STK32C: variants seen among roughly 807,000 people sequenced by gnomAD.
The protein encoded by STK32C is serine/threonine-protein kinase 32C.
STK32C carries 31 observed loss-of-function variants against 56.5 expected under a neutral mutation model. That is an observed-to-expected ratio of 0.55 (90% CI 0.41 to 0.74). The LOEUF is 0.74. Among genes scored for constraint, STK32C ranks in the 30% least tolerant of loss-of-function variants. The pLI, the probability that STK32C is intolerant of heterozygous loss-of-function variation, is 0.00. For synonymous variants in STK32C, 309 were observed against 289.4 expected (o/e 1.07, Z -0.69); for missense variants, 544 against 676.9 (o/e 0.80, Z 2.18).
At chr10:132,228,592 G>A (rs970277304) in intron 2 of STK32C, among the ~76,000 whole-genome samples, 4 of 152,250 alleles carry the variant, frequency 2.6e-5, no homozygotes, top group Non-Finnish European at 5.9e-5. Context: ...TGTGCGGGGA[G>A]CGCCCCTCAC....
intron 1 of STK32C, chr10:132,331,375 TCC>T: frequency 6.6e-7 from 1 of 1,526,600 alleles, no homozygotes. Flanking sequence ...GCACCTCCCC[TCC>T]CGCCCGGTGT....
In STK32C at chr10:132,307,630, C is replaced by T; in HGVS notation, c.204G>A (p.Met68Ile). The T allele has an allele frequency of 6.4e-7, 1 of 1,557,280 alleles. No homozygotes were observed. The highest frequency in any genetic ancestry group is 8.7e-7 in the Non-Finnish European group (1 of 1,155,310). The part of the protein sequence containing the change: ...LFQWSKWKKR[M>I]GSSMSAATAR... ...CGGTGGCCGCCGACATGGACGAGCC[C>T]ATCCTCTTCTTCCACTTGCTCCACT... Residue 68 changes from methionine (M) to isoleucine (I), a missense_variant, in exon 1 of 12, where the codon ATG becomes ATA. By Grantham distance (10) the Met-to-Ile change is conservative. This residue lies in a region of STK32C where 182 missense variants were observed against 217.7 expected (regional missense o/e 0.84). Transcript: ENST00000298630. The surrounding 1 kb of genome is among the most constrained non-coding windows in gnomAD (Gnocchi z 4.4).
downstream of STK32C, among the ~76,000 whole-genome samples, chr10:132,321,237 C>T (rs2066401796): frequency 6.6e-6 from 1 of 152,144 alleles, no homozygotes; most frequent in African/African-American, 2.4e-5. Context: ...AATGAGACAC[C>T]CATAGAATAG....
intron 11 of STK32C, among the ~76,000 whole-genome samples, 199 bp downstream of exon 11, chr10:132,208,835 G>T (rs41306423): frequency 1.3e-5 from 2 of 152,092 alleles, no homozygotes; most frequent in African/African-American, 2.4e-5. Context: ...CACGGGCCCC[G>T]CGTGGAGCAC....
intron 1 of STK32C, among the ~76,000 whole-genome samples, chr10:132,266,220 A>G (rs1036191329): frequency 2.6e-5 from 4 of 152,234 alleles, no homozygotes; most frequent in Admixed American, 1.3e-4. Context: ...GAGGGAAAGA[A>G]GCCAGGTTTA....
At chr10:132,260,818 A>G (rs1175292669) in intron 1 of STK32C, among the ~76,000 whole-genome samples, 1 of 152,214 alleles carries the variant, frequency 6.6e-6, no homozygotes, top group Non-Finnish European at 1.5e-5. Flanking sequence ...CCCACGCCCA[A>G]CACCACAGTG....
chr10:132,223,632 G>C (rs74333270), intron 8 of STK32C, among the ~76,000 whole-genome samples: 1 of 152,150 alleles, frequency 6.6e-6, no homozygotes, highest in Admixed American at 6.5e-5. Flanking sequence ...AGAGACTCTC[G>C]GGGCTGGGGA....
intron 2 of STK32C, among the ~76,000 whole-genome samples, chr10:132,229,715 T>G (rs1224327761): frequency 6.6e-6 from 1 of 152,166 alleles, no homozygotes; most frequent in Non-Finnish European, 1.5e-5. Flanking sequence ...GACCCCTCCC[T>G]GAGACTCAGT....
intron 8 of STK32C, among the ~76,000 whole-genome samples, chr10:132,223,487 G>A (rs2062758738): frequency 6.6e-6 from 1 of 152,242 alleles, no homozygotes; most frequent in African/African-American, 2.4e-5. Flanking sequence ...CCCAGACCCC[G>A]TGCGAGGTTT....
At chr10:132,271,124 C>T (rs1450952474) in intron 1 of STK32C, among the ~76,000 whole-genome samples, 1 of 152,126 alleles carries the variant, frequency 6.6e-6, no homozygotes, top group Non-Finnish European at 1.5e-5. Flanking sequence ...GATAGAAATA[C>T]AGGGGGTGAG....
chr10:132,302,310 T>C (rs754172464), intron 1 of STK32C, among the ~76,000 whole-genome samples: 1 of 152,150 alleles, frequency 6.6e-6, no homozygotes, highest in Non-Finnish European at 1.5e-5. Context: ...CCTTGTAAAA[T>C]GCACAACCAG....
intron 2 of STK32C, among the ~76,000 whole-genome samples, chr10:132,232,263 A>G (rs1301626158): frequency 1.3e-5 from 2 of 152,150 alleles, no homozygotes; most frequent in African/African-American, 2.4e-5. Flanking sequence ...AGGCACGTTG[A>G]AGGTGGTTTG....
downstream of STK32C, among the ~76,000 whole-genome samples, chr10:132,319,957 G>T (rs189537504): frequency 2.3e-4 from 35 of 150,212 alleles, no homozygotes; most frequent in South Asian, 3.0e-3. Flanking sequence ...GCACGATCTC[G>T]GCTCACTGCA....
At chr10:132,272,882 C>T (rs2064873472) in intron 1 of STK32C, among the ~76,000 whole-genome samples, 1 of 152,194 alleles carries the variant, frequency 6.6e-6, no homozygotes, top group Non-Finnish European at 1.5e-5. Flanking sequence ...TCGGCTCCTC[C>T]ACCCTCCCTG....
intron 1 of STK32C, among the ~76,000 whole-genome samples, chr10:132,305,099 G>T (rs2066020578): frequency 6.6e-6 from 1 of 152,236 alleles, no homozygotes; most frequent in Non-Finnish European, 1.5e-5. Flanking sequence ...GCAGCAGAAA[G>T]ACCCCCTAAC....
At chr10:132,243,093 TG>T (rs2063562938) in intron 2 of STK32C, among the ~76,000 whole-genome samples, 1 of 152,112 alleles carries the variant, frequency 6.6e-6, no homozygotes, top group Admixed American at 6.5e-5. Flanking sequence ...AGAGAGACCC[TG>T]GGGCAGCGAC....
At position 132,262,825 on chromosome 10, in the gene STK32C, C is replaced by A. The variant is rs75877271; in HGVS notation, c.263-16870G>T. 9.1e-3 allele frequency among the ~76,000 whole-genome samples: 1,371 copies of A among 150,092 alleles called. 23 individuals are homozygous for A. Among genetic ancestry groups the A allele is most frequent in the African/African-American group, 0.032 (1,310 of 40,860 alleles). ...TTCAACAGCAGATCCAAATGGCCAA[C>A]AAGCATATGAAAAACATGCCCCACA... On this transcript the variant is annotated intron_variant, in intron 1 of 11. Coordinates refer to ENST00000298630, the MANE Select transcript of STK32C (RefSeq NM_173575.4).
intron 10 of STK32C, among the ~76,000 whole-genome samples, chr10:132,222,226 C>CCA (rs2062700480): frequency 6.7e-6 from 1 of 148,952 alleles, no homozygotes. Flanking sequence ...ATGGCCGTCC[C>CCA]CACACACACA....
intron 10 of STK32C, among the ~76,000 whole-genome samples, chr10:132,218,105 A>G (rs950992515): frequency 2.6e-5 from 4 of 152,248 alleles, no homozygotes; most frequent in African/African-American, 9.6e-5. Context: ...GAGGACTCCA[A>G]GAGTTTGAGA....
Sources: allele counts gnomAD v4.1 joint callset (sites outside exome capture counted in the v4.1 genomes callset), GRCh38; gene constraint gnomAD v4.1.1; regional missense constraint gnomAD v4.1.1; non-coding constraint Gnocchi (gnomAD v3.1); transcripts MANE v1.5; gene names NCBI Gene and HGNC (gene_info 2026-07-23, HGNC 2026-07-21).